Variants in CAPN8 observed in about 807,000 individuals in gnomAD.
CAPN8 encodes calpain-8.
A neutral mutation model predicts 80.9 loss-of-function variants in CAPN8; 87 were observed. The observed-to-expected ratio is 1.07, with a 90% confidence interval of 0.90 to 1.28. The LOEUF (loss-of-function observed/expected upper bound fraction) is 1.28. CAPN8 is among the 50% of genes most tolerant of loss of function. The probability of loss-of-function intolerance (pLI) is 0.00; values close to 1 mark genes in which losing one functional copy is unlikely to be tolerated. For missense variants in CAPN8, 757 were observed against 702.0 expected, an observed-to-expected ratio of 1.08 and a Z score of -0.89; for synonymous variants, 299 against 273.8, an observed-to-expected ratio of 1.09 and a Z score of -0.91.
intron 1 of CAPN8, among the ~76,000 whole-genome samples, chr1:223,659,468 C>A (rs1198901344): frequency 1.3e-5 from 2 of 152,182 alleles, no homozygotes; most frequent in African/African-American, 4.8e-5. Flanking sequence ...TGGACTCCCA[C>A]CTTCCTCTGA....
chr1:223,554,628 A>G (rs1656865774), intron 13 of CAPN8, among the ~76,000 whole-genome samples: 1 of 152,172 alleles, frequency 6.6e-6, no homozygotes, highest in Non-Finnish European at 1.5e-5. Context: ...CAGATTCACG[A>G]AGAGCAACAT....
intron 1 of CAPN8, among the ~76,000 whole-genome samples, chr1:223,656,765 G>C (rs1159003013): frequency 7.2e-6 from 1 of 139,350 alleles, no homozygotes; most frequent in Non-Finnish European, 1.5e-5. Context: ...CTCACTGCAA[G>C]CTCCGCCTCC....
intron 15 of CAPN8, 189 bp from the exon 16 acceptor site, chr1:223,549,571 G>A: frequency 1.2e-6 from 1 of 850,980 alleles, no homozygotes; most frequent in Non-Finnish European, 1.9e-6. Flanking sequence ...TGCCGTGGGA[G>A]ATAGAACAGA....
Position 223,551,049 on chromosome 1 carries a change from C to G in CAPN8, c.1642-32G>C, listed in dbSNP as rs368909326. The stretch of plus-strand genomic sequence containing the variant: ...AGAGGAACCCAAATGCAAATCATGT[C>G]AGGCCCTGACAAGTTGTTTCAAGAC... On this transcript the variant is annotated intron_variant, in intron 14 of 20. Transcript: ENST00000366872. 2.4e-5 allele frequency: 17 copies of G among 716,078 alleles called. 1 individual carries two copies. The highest frequency in any genetic ancestry group is 2.2e-4 in the South Asian group (15 of 67,190). 44.4% of individuals were successfully genotyped at this position (716,078 alleles called of 1,614,324 possible).
intron 2 of CAPN8, among the ~76,000 whole-genome samples, chr1:223,645,682 A>G (rs1221971192): frequency 6.6e-6 from 1 of 152,158 alleles, no homozygotes; most frequent in Non-Finnish European, 1.5e-5. Context: ...CTCTCCCACT[A>G]TAGGGCACAA....
intron 1 of CAPN8, among the ~76,000 whole-genome samples, chr1:223,655,829 A>C (rs560791658): frequency 6.6e-6 from 1 of 152,306 alleles, no homozygotes; most frequent in East Asian, 1.9e-4. Context: ...CTGCTAGGGG[A>C]AAAGGGCAGG....
At chr1:223,609,621 C>T (rs1469817028) in intron 11 of CAPN8, among the ~76,000 whole-genome samples, 2 of 152,122 alleles carry the variant, frequency 1.3e-5, no homozygotes, top group Non-Finnish European at 2.9e-5. Context: ...CCCAGTTAAA[C>T]GAAGGTTGAG....
Position 223,627,048 on chromosome 1 carries a change from GA to G in CAPN8, c.669del (p.Leu224TyrfsTer49), listed in dbSNP as rs1393741324. On this transcript the variant is annotated frameshift_variant, in exon 5 of 21. Coordinates refer to ENST00000366872, the MANE Select transcript of CAPN8 (RefSeq NM_001143962.2). LOFTEE classifies it high-confidence loss of function. ...AGGGCCTTCCGGATGATCTGATATAGATTGGCTGGTGGTTTCTTCAGGTCAT... is the reference window on the plus strand; with the variant it reads ...AGGGCCTTCCGGATGATCTGATATAGTTGGCTGGTGGTTTCTTCAGGTCAT... ...EFYDLKKPPA[N>X]LYQIIRKALC... 5 of 1,551,952 alleles carry G rather than the reference GA, an allele frequency of 3.2e-6. No homozygotes were observed. The highest frequency in any genetic ancestry group is 3.9e-5 in the Admixed American group (2 of 50,990).
chr1:223,554,700 G>A (rs1656867698), intron 13 of CAPN8, among the ~76,000 whole-genome samples: 1 of 152,212 alleles, frequency 6.6e-6, no homozygotes, highest in African/African-American at 2.4e-5. Context: ...CCAGGAGACT[G>A]GAGTTCAAAT....
chr1:223,623,630 A>G (rs1265914192), intron 6 of CAPN8, among the ~76,000 whole-genome samples: 2 of 152,172 alleles, frequency 1.3e-5, no homozygotes, highest in Non-Finnish European at 1.5e-5. Flanking sequence ...TTTCCTGTGT[A>G]TCCCCCAACT....
chr1:223,665,682 GC>G lies in CAPN8; in HGVS notation c.-37del. 1 of 1,503,384 alleles carries G rather than the reference GC, an allele frequency of 6.7e-7. No individual in the cohort carries two copies. Among genetic ancestry groups the G allele is most frequent in the Non-Finnish European group, 9.1e-7 (1 of 1,104,914 alleles). The allele number at this position is 1,503,384 out of a possible 1,614,324, so 93.1% of individuals were successfully genotyped here. A position where few individuals can be genotyped will look rare whatever the true frequency, so the allele number is the denominator to read the frequency against. ...TCTGTAGGGTGGACAGAAGGGCAGG[GC>G]TGCACTGTACTCTCAGACACCTGCT... On this transcript the variant is annotated 5_prime_UTR_variant, in exon 1 of 21. Coordinates refer to ENST00000366872, the MANE Select transcript of CAPN8 (RefSeq NM_001143962.2).
intron 20 of CAPN8, among the ~76,000 whole-genome samples, chr1:223,542,636 G>A (rs920588084): frequency 6.6e-5 from 10 of 152,136 alleles, no homozygotes; most frequent in African/African-American, 2.2e-4. Context: ...TCGTACAGGG[G>A]TGCAGTGTCC....
intron 2 of CAPN8, among the ~76,000 whole-genome samples, chr1:223,642,991 C>A (rs758644299): frequency 6.6e-6 from 1 of 152,186 alleles, no homozygotes; most frequent in Non-Finnish European, 1.5e-5. Context: ...GGGAGAAAAA[C>A]CCACTGAGTA....
In CAPN8 at chr1:223,632,368, G is replaced by A. The variant is rs182867822; in HGVS notation, c.308-3588C>T. ...AAACAGCTTTGATCTTGGAGCATAG[G>A]TTTTGTTTTGTTTTGTTTTGTTTTG... On this transcript the variant is annotated intron_variant, in intron 2 of 20. Transcript: ENST00000366872. 2.6e-3 allele frequency among the ~76,000 whole-genome samples: 247 copies of A among 93,934 alleles called. 1 individual carries two copies. The highest frequency in any genetic ancestry group is 4.3e-3 in the Non-Finnish European group (187 of 43,786). 61.6% of individuals were successfully genotyped at this position (93,934 alleles called of 152,430 possible).
chr1:223,618,715 T>C (rs554081630), intron 9 of CAPN8, among the ~76,000 whole-genome samples: 2 of 152,324 alleles, frequency 1.3e-5, no homozygotes, highest in Non-Finnish European at 2.9e-5. Context: ...AAGCACGTCC[T>C]TTGCGGGCAG....
chr1:223,545,821 C>CTTTTTTTTTTT (rs141485616), intron 16 of CAPN8, among the ~76,000 whole-genome samples: 2 of 98,598 alleles, frequency 2.0e-5, no homozygotes, highest in Non-Finnish European at 3.8e-5. Context: ...CACTCCACAA[C>CTTTTTTTTTTT]TTTTTTTTTT....
Position 223,629,054 on chromosome 1 carries a change from C to T in CAPN8, c.308-274G>A, listed in dbSNP as rs1051399094. 6 of 413,684 alleles carry T rather than the reference C, an allele frequency of 1.5e-5. No homozygotes were observed. The Admixed American group carries it at 2.0e-4, about 14-fold the overall frequency. The allele number at this position is 413,684 out of a possible 1,614,324, so 25.6% of individuals were successfully genotyped here. ...ATTTCCCCACTCCTACACATTCAGC[C>T]AGTGGAGTGGAAAAGAAAAGAAGAG... On this transcript the variant is annotated intron_variant, in intron 2 of 20. Transcript: ENST00000366872.
intron 1 of CAPN8, among the ~76,000 whole-genome samples, chr1:223,655,307 T>C (rs567732056): frequency 6.6e-6 from 1 of 152,344 alleles, no homozygotes; most frequent in South Asian, 2.1e-4. Flanking sequence ...TTCACATATC[T>C]GACCTGCACT....
intron 1 of CAPN8, among the ~76,000 whole-genome samples, chr1:223,656,991 C>T (rs1394935580): frequency 1.3e-5 from 2 of 152,240 alleles, no homozygotes; most frequent in East Asian, 3.9e-4. Flanking sequence ...GCCACATACA[C>T]ACATTTTTAT....
Sources: allele counts gnomAD v4.1 joint callset (sites outside exome capture counted in the v4.1 genomes callset), GRCh38; gene constraint gnomAD v4.1.1; transcripts MANE v1.5; gene names NCBI Gene and HGNC (gene_info 2026-07-23, HGNC 2026-07-21).